Variants in FAM222B observed in about 807,000 individuals in gnomAD.
FAM222B encodes protein FAM222B.
Under a neutral mutation model 38.0 loss-of-function variants are expected in FAM222B, and 12 were observed. That is an observed-to-expected ratio of 0.32 (90% confidence interval 0.20 to 0.51). The LOEUF (loss-of-function observed/expected upper bound fraction) is 0.51, where lower values mean the gene tolerates loss of function less well. Among genes scored for constraint, FAM222B ranks in the 20% least tolerant of loss-of-function variants. The probability of loss-of-function intolerance (pLI) is 0.97; values close to 1 mark genes in which losing one functional copy is unlikely to be tolerated. For synonymous variants in FAM222B, 329 were observed against 317.2 expected (o/e 1.04, Z -0.40); for missense variants, 716 against 754.2 (o/e 0.95, Z 0.59).
At chr17:28,806,708 T>A (rs2037511915) in intron 1 of FAM222B, among the ~76,000 whole-genome samples, 1 of 152,208 alleles carries the variant, frequency 6.6e-6, no homozygotes, top group Non-Finnish European at 1.5e-5. Context: ...AATAGCATAC[T>A]GGTGTTTGGA....
In FAM222B at chr17:28,809,985, GT is replaced by G. The variant is rs767791914; in HGVS notation, c.-41+32696del. Among the ~76,000 whole-genome samples, 13 of 150,716 alleles carry G rather than the reference GT, an allele frequency of 8.6e-5. No homozygotes were observed. The South Asian group carries it at 2.5e-3, about 30-fold the overall frequency. Reference sequence around the variant, plus strand: ...GTTGAAATTGTACAGCCTCCAACTGGTTTTTTTTTGTTTTTGTTTTTGTTTT... The same window carrying G: ...GTTGAAATTGTACAGCCTCCAACTGGTTTTTTTTGTTTTTGTTTTTGTTTT... On this transcript the variant is annotated intron_variant, in intron 1 of 2. Transcript: ENST00000581407.
upstream of FAM222B, among the ~76,000 whole-genome samples, chr17:28,847,524 G>C (rs1053867103): frequency 1.3e-5 from 2 of 152,066 alleles, no homozygotes; most frequent in African/African-American, 4.8e-5. Flanking sequence ...AATCTGGGAA[G>C]TGGAGGTTGC....
intron 1 of FAM222B, among the ~76,000 whole-genome samples, chr17:28,840,068 C>A (rs2038981629): frequency 6.6e-6 from 1 of 152,126 alleles, no homozygotes; most frequent in Non-Finnish European, 1.5e-5. Flanking sequence ...AAGGAGTCTG[C>A]ATCTCTACTT....
rs35918064 is a variant in FAM222B, at chr17:28,769,174, C to CTTTTT, written c.-40-2472_-40-2468dup. On this transcript the variant is annotated intron_variant, in intron 1 of 2. Transcript: ENST00000581407. ...TATTCTCTATTCAGCAATGTTAGTTCTTTTTTTTTTTTTTTTTTTTTTTGA... is the reference window on the plus strand; with the variant it reads ...TATTCTCTATTCAGCAATGTTAGTTCTTTTTTTTTTTTTTTTTTTTTTTTTTTTGA... Among the ~76,000 whole-genome samples the CTTTTT allele has an allele frequency of 1.1e-3, 89 of 82,560 alleles. 1 individual carries two copies. Among genetic ancestry groups the CTTTTT allele is most frequent in the Non-Finnish European group, 1.3e-3 (61 of 45,442 alleles). The allele number at this position is 82,560 out of a possible 152,430, so 54.2% of individuals were successfully genotyped here. A position where few individuals can be genotyped will look rare whatever the true frequency, so the allele number is the denominator to read the frequency against.
At chr17:28,762,517 C>T (rs1055537017) in intron 2 of FAM222B, among the ~76,000 whole-genome samples, 2 of 148,942 alleles carry the variant, frequency 1.3e-5, no homozygotes, top group African/African-American at 5.0e-5. Flanking sequence ...GTCCCAGCTA[C>T]TTGGGAGGCT....
chr17:28,852,274 G>C (rs112134696), intron 1 of FAM222B, among the ~76,000 whole-genome samples: 1 of 151,910 alleles, frequency 6.6e-6, no homozygotes, highest in Non-Finnish European at 1.5e-5. Context: ...GGCTGAGGCA[G>C]GAGAATGGCC....
intron 1 of FAM222B, chr17:28,790,387 T>C (rs2036608540): frequency 6.6e-6 from 1 of 152,236 alleles, no homozygotes; most frequent in Admixed American, 6.5e-5. Context: ...CCTTTTGAAA[T>C]CATGCAGTGA....
At chr17:28,768,859 AAG>A (rs1323148938) in intron 1 of FAM222B, among the ~76,000 whole-genome samples, 2 of 150,432 alleles carry the variant, frequency 1.3e-5, no homozygotes, top group East Asian at 1.9e-4. Flanking sequence ...AAAAAAAAAA[AAG>A]AGAGACTTCT....
At chr17:28,763,045 G>C (rs568292857) in intron 2 of FAM222B, among the ~76,000 whole-genome samples, 1 of 152,162 alleles carries the variant, frequency 6.6e-6, no homozygotes, top group South Asian at 2.1e-4. Flanking sequence ...AGCCAACACA[G>C]ATACCACAGC....
At chr17:28,802,818 G>C (rs138658876) in intron 1 of FAM222B, 1 of 153,234 alleles carries the variant, frequency 6.5e-6, no homozygotes, top group South Asian at 2.1e-4. Flanking sequence ...ATGTGGATAA[G>C]AACTAACCAC....
intron 1 of FAM222B, among the ~76,000 whole-genome samples, chr17:28,782,283 C>T (rs1320452929): frequency 4.6e-5 from 7 of 152,140 alleles, no homozygotes; most frequent in African/African-American, 1.7e-4. Context: ...GAATGCACCA[C>T]TGCACTCCAG....
At chr17:28,833,364 C>T (rs985739354) in intron 1 of FAM222B, among the ~76,000 whole-genome samples, 1 of 150,804 alleles carries the variant, frequency 6.6e-6, no homozygotes, top group African/African-American at 2.4e-5. Context: ...TGCCTGTTAT[C>T]CCAGTATTTT....
chr17:28,822,802 C>CAAAAAAAAAAAAAAAAAAAAAAAAA (rs71135859), intron 1 of FAM222B, among the ~76,000 whole-genome samples: 1 of 9,882 alleles, frequency 1.0e-4, no homozygotes, highest in Non-Finnish European at 1.8e-4. Flanking sequence ...GACTCCATCT[C>CAAAAAAAAAAAAAAAAAAAAAAAAA]AAAAAAAAAA....
chr17:28,812,589 G>T (rs529768664), intron 1 of FAM222B, among the ~76,000 whole-genome samples: 6 of 152,210 alleles, frequency 3.9e-5, no homozygotes. Flanking sequence ...CCCACAGGGA[G>T]GTCAGCCACC....
intron 1 of FAM222B, among the ~76,000 whole-genome samples, chr17:28,838,981 G>T (rs535968378): frequency 2.2e-4 from 33 of 152,134 alleles, no homozygotes; most frequent in Admixed American, 1.1e-3. Context: ...GAGTCGGGCA[G>T]ATCACAAGGT....
At chr17:28,824,585 A>T (rs915833449) in intron 1 of FAM222B, among the ~76,000 whole-genome samples, 2 of 152,166 alleles carry the variant, frequency 1.3e-5, no homozygotes, top group Non-Finnish European at 2.9e-5. Flanking sequence ...GAAGTTATCC[A>T]TGATTCCTTA....
intron 1 of FAM222B, among the ~76,000 whole-genome samples, chr17:28,775,985 A>G (rs1055724715): frequency 6.6e-6 from 1 of 151,626 alleles, no homozygotes; most frequent in Non-Finnish European, 1.5e-5. Context: ...CTGAGGCACG[A>G]GAGTCGTTTG....
At chr17:28,787,427 C>T (rs1669834243) in intron 1 of FAM222B, among the ~76,000 whole-genome samples, 2 of 152,160 alleles carry the variant, frequency 1.3e-5, no homozygotes, top group East Asian at 1.9e-4. Flanking sequence ...TCTATATAGC[C>T]TTAGTGAAAA....
intron 1 of FAM222B, among the ~76,000 whole-genome samples, chr17:28,788,211 C>G (rs1286522688): frequency 1.3e-5 from 2 of 152,150 alleles, no homozygotes; most frequent in Non-Finnish European, 2.9e-5. Context: ...TTCTGTGGAC[C>G]TGAGAAATTC....
Sources: allele counts gnomAD v4.1 joint callset (sites outside exome capture counted in the v4.1 genomes callset), GRCh38; gene constraint gnomAD v4.1.1; transcripts MANE v1.5; gene names NCBI Gene and HGNC (gene_info 2026-07-23, HGNC 2026-07-21).